The following CUX1 variants were observed in gnomAD, a reference collection of about 807,000 sequenced individuals.
The protein encoded by CUX1 is cut like homeobox 1.
CUX1 carries 31 observed loss-of-function variants against 158.8 expected under a neutral mutation model. The ratio of observed to expected loss-of-function variants is 0.20; its 90% CI spans 0.15 to 0.26. CUX1 has a LOEUF of 0.26. Ranked by LOEUF, CUX1 falls within the 10% of genes least tolerant of loss-of-function variation. CUX1 has a pLI of 1.00. For missense variants in CUX1, 1,589 were observed against 2,014.6 expected, an observed-to-expected ratio of 0.79 and a Z score of 4.04; for synonymous variants, 879 against 862.1, an observed-to-expected ratio of 1.02 and a Z score of -0.34.
At chr7:101,996,949 G>A (rs1445740029) in intron 2 of CUX1, among the ~76,000 whole-genome samples, 1 of 146,018 alleles carries the variant, frequency 6.8e-6, no homozygotes, top group African/African-American at 2.8e-5. Flanking sequence ...TCCTCACAGG[G>A]CAGCCCTTCT....
At chr7:101,956,738 G>A (rs144194242) in intron 2 of CUX1, among the ~76,000 whole-genome samples, 92 of 152,320 alleles carry the variant, frequency 6.0e-4, no homozygotes, top group Non-Finnish European at 1.1e-3. Context: ...GGTTGAGTGC[G>A]GGAGTTTGAG....
chr7:102,241,002 G>T (rs1800144269), intron 23 of CUX1, among the ~76,000 whole-genome samples: 1 of 152,096 alleles, frequency 6.6e-6, no homozygotes, highest in Non-Finnish European at 1.5e-5. Flanking sequence ...TGTATTTTTA[G>T]TAGAGACGGG....
Position 102,248,354 on chromosome 7 carries a change from C to A in CUX1, c.3888-58C>A. ...GAGAGGGGTCTGGCTGGGGTAGCAC[C>A]AGAGGCCCTTTCCCCAGCAGCACCC... On this transcript the variant is annotated intron_variant, in intron 23 of 23. Coordinates refer to ENST00000292535, the MANE Select transcript of CUX1 (RefSeq NM_181552.4). This position sits in a 1 kb window ranked among gnomAD's most constrained non-coding sequence, Gnocchi z 5.8. 2 of 1,473,884 alleles carry A rather than the reference C, an allele frequency of 1.4e-6. No individual in the cohort carries two copies. The highest frequency in any genetic ancestry group is 1.8e-6 in the Non-Finnish European group (2 of 1,098,050). 91.3% of individuals were successfully genotyped at this position (1,473,884 alleles called of 1,614,324 possible).
chr7:101,942,817 C>G (rs892953501), intron 2 of CUX1, among the ~76,000 whole-genome samples: 1 of 152,234 alleles, frequency 6.6e-6, no homozygotes, highest in Non-Finnish European at 1.5e-5. Context: ...CTGCTCCAAG[C>G]CTTTGCCCCA....
intron 2 of CUX1, among the ~76,000 whole-genome samples, chr7:101,949,997 C>T (rs1808862988): frequency 6.6e-6 from 1 of 152,058 alleles, no homozygotes; most frequent in South Asian, 2.1e-4. Flanking sequence ...CCCACAGGAT[C>T]CGACAGTTCC....
chr7:102,086,155 G>A (rs1003876901), intron 4 of CUX1, among the ~76,000 whole-genome samples: 12 of 151,504 alleles, frequency 7.9e-5, no homozygotes, highest in Middle Eastern at 3.4e-3. Context: ...TCCTCCCCCC[G>A]GGCTTTTTTC....
In CUX1 at chr7:102,180,892, T is replaced by A. The variant is rs557211245; in HGVS notation, c.1017+2235T>A. On this transcript the variant is annotated intron_variant, in intron 11 of 23. Transcript: ENST00000292535. Reference sequence around the variant, plus strand: ...CTGTCCTCAGCCAGGTCGTTTTTTTTAAATTTTTATTTTATTTTATTTTAT... The same window carrying A: ...CTGTCCTCAGCCAGGTCGTTTTTTTAAAATTTTTATTTTATTTTATTTTAT... Among the ~76,000 whole-genome samples, 26 of 149,980 alleles carry A rather than the reference T, an allele frequency of 1.7e-4. No individual in the cohort carries two copies. The South Asian group carries it at 3.1e-3, about 18-fold the overall frequency.
intron 4 of CUX1, among the ~76,000 whole-genome samples, chr7:102,094,450 G>A (rs1828971932): frequency 6.6e-6 from 1 of 152,214 alleles, no homozygotes; most frequent in South Asian, 2.1e-4. Context: ...CTGAAAATTG[G>A]TGTAAAGGTC....
chr7:102,218,926 G>A (rs1270662785), intron 20 of CUX1, among the ~76,000 whole-genome samples: 4 of 151,540 alleles, frequency 2.6e-5, no homozygotes, highest in South Asian at 2.1e-4. Context: ...GGTGGTGCAC[G>A]CCTGTCGTTC....
chr7:101,991,545 G>GT (rs1815130771), intron 2 of CUX1, among the ~76,000 whole-genome samples: 2 of 152,232 alleles, frequency 1.3e-5, no homozygotes, highest in South Asian at 2.1e-4. Flanking sequence ...GATCACTTGA[G>GT]GTCAGGAGTT....
rs1206233119 is a variant in CUX1, at chr7:101,817,800, T to G, written c.30+131T>G. 3 of 1,063,644 alleles carry G rather than the reference T, an allele frequency of 2.8e-6. No homozygotes were observed. Among genetic ancestry groups the G allele is most frequent in the Non-Finnish European group, 3.9e-6 (3 of 760,924 alleles). The allele number at this position is 1,063,644 out of a possible 1,614,324, so 65.9% of individuals were successfully genotyped here. A position where few individuals can be genotyped will look rare whatever the true frequency, so the allele number is the denominator to read the frequency against. ...GGTGCTCTGGGAGGGGATAGGAGGG[T>G]TCCTCAGGGCCCCTGGGGAACTGCA... On this transcript the variant is annotated intron_variant, in intron 1 of 23. Transcript: ENST00000292535. The surrounding 1 kb of genome is among the most constrained non-coding windows in gnomAD (Gnocchi z 4.1).
At chr7:102,097,180 T>A (rs2130906231) in intron 4 of CUX1, among the ~76,000 whole-genome samples, 184 bp from the exon 5 acceptor site, 1 of 152,360 alleles carries the variant, frequency 6.6e-6, no homozygotes, top group African/African-American at 2.4e-5. Context: ...GCTGGGTCCA[T>A]CCTTTGTAAA....
chr7:102,280,185 C>G (rs1791957338), intron 19 of CUX1: 1 of 1,096,310 alleles, frequency 9.1e-7, no homozygotes, highest in East Asian at 2.4e-5. Context: ...CAGGGGTCCC[C>G]CCATCACTTG....
chr7:102,185,287 C>A (rs1793510121), intron 11 of CUX1, among the ~76,000 whole-genome samples: 1 of 152,220 alleles, frequency 6.6e-6, no homozygotes, highest in African/African-American at 2.4e-5. Context: ...CTGTACTAAG[C>A]TCTAAGTACC....
intron 8 of CUX1, among the ~76,000 whole-genome samples, chr7:102,126,655 A>G (rs1218498086): frequency 2.0e-5 from 3 of 152,208 alleles, no homozygotes; most frequent in Non-Finnish European, 4.4e-5. Flanking sequence ...TAATTAGTCT[A>G]CAGTTAGGCA....
At chr7:101,986,526 A>G (rs997553128) in intron 2 of CUX1, among the ~76,000 whole-genome samples, 2 of 152,170 alleles carry the variant, frequency 1.3e-5, no homozygotes, top group African/African-American at 4.8e-5. Flanking sequence ...AATCTTCCCA[A>G]GGAGGATGAG....
At chr7:101,902,472 A>G (rs1244353834) in intron 1 of CUX1, among the ~76,000 whole-genome samples, 1 of 152,178 alleles carries the variant, frequency 6.6e-6, no homozygotes, top group South Asian at 2.1e-4. Flanking sequence ...GCTGGAATGG[A>G]GGGAACAAAT....
intron 1 of CUX1, among the ~76,000 whole-genome samples, chr7:101,823,369 G>A (rs1193077982): frequency 6.6e-6 from 1 of 152,228 alleles, no homozygotes; most frequent in Admixed American, 6.5e-5. Flanking sequence ...CCTAGTAAGT[G>A]AAACTGACTT....
chr7:102,271,822 G>A (rs142286102), intron 14 of CUX1, among the ~76,000 whole-genome samples: 15 of 152,344 alleles, frequency 9.8e-5, no homozygotes, highest in Non-Finnish European at 2.1e-4. Context: ...TTGAGGTTGA[G>A]ACCAACCTGG....
Sources: gnomAD v4.1 joint callset for allele counts (sites outside exome capture counted in the v4.1 genomes callset) on GRCh38, gnomAD v4.1.1 for gene constraint, Gnocchi (gnomAD v3.1) non-coding constraint, MANE v1.5 for transcripts, NCBI Gene and HGNC (gene_info 2026-07-23, HGNC 2026-07-21) for gene names.